The following CYFIP2 variants were observed in gnomAD, a reference collection of about 807,000 sequenced individuals.
CYFIP2 encodes the protein cytoplasmic FMR1-interacting protein 2.
A neutral mutation model predicts 158.7 loss-of-function variants in CYFIP2; 29 were observed. The ratio of observed to expected loss-of-function variants is 0.18; its 90% CI spans 0.14 to 0.25. CYFIP2 has a LOEUF of 0.25. CYFIP2 is among the 10% of genes least tolerant of loss of function. The pLI is 1.00. For synonymous variants in CYFIP2, 585 were observed against 617.6 expected, an observed-to-expected ratio of 0.95 and a Z score of 0.78; for missense variants, 852 against 1,639.5, an observed-to-expected ratio of 0.52 and a Z score of 8.29.
intron 13 of CYFIP2, among the ~76,000 whole-genome samples, chr5:157,318,928 T>G (rs1760364854): frequency 6.6e-6 from 1 of 152,108 alleles, no homozygotes; most frequent in African/African-American, 2.4e-5. Context: ...GAGAATGTGG[T>G]TTTCACCCAA....
At chr5:157,377,179 G>T (rs1765568552) in intron 26 of CYFIP2, among the ~76,000 whole-genome samples, 1 of 151,898 alleles carries the variant, frequency 6.6e-6, no homozygotes, top group South Asian at 2.1e-4. Flanking sequence ...AGGTGAAACT[G>T]CAGCTTGGCC....
chr5:157,326,437 A>G (rs916845309), intron 18 of CYFIP2, among the ~76,000 whole-genome samples, 170 bp downstream of exon 18: 1 of 152,202 alleles, frequency 6.6e-6, no homozygotes, highest in African/African-American at 2.4e-5. Flanking sequence ...CAGAAGTACA[A>G]ACTGAGACAC....
chr5:157,342,799 TAC>T, intron 23 of CYFIP2: 3 of 1,485,770 alleles, frequency 2.0e-6, no homozygotes, highest in Non-Finnish European at 2.7e-6. Context: ...GACACATTTG[TAC>T]AAACGACCTA....
Position 157,373,542 on chromosome 5 carries a change from G to A in CYFIP2, c.3040-9048G>A. Reference sequence around the variant, plus strand: ...GAGAAAGAGCATGCTCTGAGAGCTGGTACTTGAGTGAATATTCATTTATCA... The same window carrying A: ...GAGAAAGAGCATGCTCTGAGAGCTGATACTTGAGTGAATATTCATTTATCA... On this transcript the variant is annotated intron_variant, in intron 26 of 30. Coordinates refer to ENST00000620254, the MANE Select transcript of CYFIP2 (RefSeq NM_001037333.3). Among the ~76,000 whole-genome samples the A allele has an allele frequency of 2.0e-5, 3 of 152,244 alleles. No individual in the cohort carries two copies. The South Asian group carries it at 6.2e-4, about 32-fold the overall frequency.
intron 3 of CYFIP2, among the ~76,000 whole-genome samples, chr5:157,290,518 T>C (rs749850135): frequency 5.9e-5 from 9 of 151,696 alleles, no homozygotes; most frequent in Non-Finnish European, 1.3e-4. Context: ...ACCACCCGCC[T>C]ACCCCCATTG....
At chr5:157,344,809 T>G (rs967809837) in intron 23 of CYFIP2, among the ~76,000 whole-genome samples, 1 of 152,240 alleles carries the variant, frequency 6.6e-6, no homozygotes, top group African/African-American at 2.4e-5. Flanking sequence ...CATTGGATAT[T>G]AAGCCAAACC....
chr5:157,371,265 C>G (rs1017798783), intron 26 of CYFIP2, among the ~76,000 whole-genome samples: 43 of 152,194 alleles, frequency 2.8e-4, no homozygotes, highest in African/African-American at 9.9e-4. Context: ...TAGGGCCCAG[C>G]TCCCCGTCCC....
chr5:157,330,415 A>G (rs867472750), intron 19 of CYFIP2, among the ~76,000 whole-genome samples: 2 of 152,200 alleles, frequency 1.3e-5, no homozygotes, highest in Non-Finnish European at 2.9e-5. Flanking sequence ...CCATGAGGAC[A>G]GGAACTTTGT....
At chr5:157,294,618 A>C (rs1269201581) in intron 3 of CYFIP2, among the ~76,000 whole-genome samples, 165 bp from the exon 4 acceptor site, 1 of 152,168 alleles carries the variant, frequency 6.6e-6, no homozygotes, top group African/African-American at 2.4e-5. Context: ...CTTATTGCAT[A>C]GGCCCAGGGA....
chr5:157,320,514 C>T, intron 14 of CYFIP2, 141 bp from the exon 15 acceptor site: 1 of 1,105,208 alleles, frequency 9.0e-7, no homozygotes, highest in East Asian at 2.6e-5. Flanking sequence ...GGAATTGGGG[C>T]AGAAATGAGC....
At chr5:157,366,601 CCTT>C (rs201255577) in intron 26 of CYFIP2, among the ~76,000 whole-genome samples, 2 of 152,144 alleles carry the variant, frequency 1.3e-5, no homozygotes, top group East Asian at 1.9e-4. Context: ...CTTGAAAAGA[CCTT>C]CTTCCTGCAA....
intron 26 of CYFIP2, chr5:157,363,628 GGCA>G (rs987392514): frequency 6.5e-6 from 1 of 152,732 alleles, no homozygotes; most frequent in African/African-American, 2.4e-5. Context: ...GAGGCAGCCA[GGCA>G]GCAGGTCACT....
Position 157,328,133 on chromosome 5 carries a change from C to T in CYFIP2, c.2156+84C>T, listed in dbSNP as rs1761170511. 4 of 1,323,224 alleles carry T rather than the reference C, an allele frequency of 3.0e-6. No homozygotes were observed. The East Asian group carries it at 7.3e-5, about 24-fold the overall frequency. 82.0% of individuals were successfully genotyped at this position (1,323,224 alleles called of 1,614,324 possible). On this transcript the variant is annotated intron_variant, in intron 19 of 30. Transcript: ENST00000620254. ...GATTTTCTGTTGTGAAACCTCCCTT[C>T]TTCTTTAGCACCTTAGGAAAACAGA...
At position 157,307,843 on chromosome 5, in the gene CYFIP2, G is replaced by A; in HGVS notation, c.878G>A (p.Ser293Asn). ...GATGCCAAGAAGAGAATTAATCTTA[G>A]CAAAATTGATAAATTCTTTAAGGTC... Reference protein sequence around the residue: ...KLDAKKRINLSKIDKFFKQLQ... With the variant: ...KLDAKKRINLNKIDKFFKQLQ... Residue 293 changes from serine (S) to asparagine (N), a missense_variant, in exon 9 of 31, where the codon AGC (serine) becomes AAC (asparagine). Physicochemically the swap from Ser to Asn is conservative, Grantham distance 46. Coordinates refer to ENST00000620254, the MANE Select transcript of CYFIP2 (RefSeq NM_001037333.3). 6.2e-7 allele frequency: 1 copy of A among 1,605,548 alleles called. No homozygotes were observed. The highest frequency in any genetic ancestry group is 1.7e-5 in the Admixed American group (1 of 59,258).
rs186568142 is a variant in CYFIP2 at position 157,315,183 on chromosome 5, G to A, written c.1356+89G>A. ...TAGTTCTGAGCAAGAAAACAGCATCGGTTGCCCTAATTTTCGTGCTCTTCC... is the reference window on the plus strand; with the variant it reads ...TAGTTCTGAGCAAGAAAACAGCATCAGTTGCCCTAATTTTCGTGCTCTTCC... On this transcript the variant is annotated intron_variant, in intron 13 of 30. Coordinates refer to ENST00000620254, the MANE Select transcript of CYFIP2 (RefSeq NM_001037333.3). The A allele has an allele frequency of 1.0e-3, 1,577 of 1,507,422 alleles. 1 individual carries two copies. The highest frequency in any genetic ancestry group is 1.3e-3 in the Non-Finnish European group (1,440 of 1,124,032). The allele number at this position is 1,507,422 out of a possible 1,614,324, so 93.4% of individuals were successfully genotyped here. A position where few individuals can be genotyped will look rare whatever the true frequency, so the allele number is the denominator to read the frequency against.
intron 10 of CYFIP2, 132 bp downstream of exon 10, chr5:157,309,966 C>A: frequency 1.2e-6 from 1 of 867,534 alleles, no homozygotes; most frequent in Non-Finnish European, 1.8e-6. Flanking sequence ...ACACAGGTGC[C>A]GGCCGGAGGG....
rs191495905 is a variant in CYFIP2, at chr5:157,359,845, G to A, written c.2818-437G>A. On this transcript the variant is annotated intron_variant, in intron 24 of 30. Coordinates refer to ENST00000620254, the MANE Select transcript of CYFIP2 (RefSeq NM_001037333.3). ...TGGCAGTAGCTTTGTGGAACCATGGGTTGTTACAGATTGTGGAGCTAAATC... is the reference window on the plus strand; with the variant it reads ...TGGCAGTAGCTTTGTGGAACCATGGATTGTTACAGATTGTGGAGCTAAATC... 1.1e-3 allele frequency among the ~76,000 whole-genome samples: 169 copies of A among 152,342 alleles called. 1 individual carries two copies. The highest frequency in any genetic ancestry group is 2.2e-3 in the Non-Finnish European group (148 of 68,028).
chr5:157,379,705 C>T (rs12659841), intron 26 of CYFIP2, among the ~76,000 whole-genome samples: 28,861 of 142,880 alleles, frequency 0.2, 3,155 homozygotes, highest in African/African-American at 0.28. Flanking sequence ...CCACACCAGA[C>T]GCAGATGGTT....
At chr5:157,376,303 T>G (rs1210024980) in intron 26 of CYFIP2, 1 of 152,304 alleles carries the variant, frequency 6.6e-6, no homozygotes, top group Non-Finnish European at 1.5e-5. Context: ...CTGTTTTATT[T>G]CTCAGTCACG....
Sources: allele counts gnomAD v4.1 joint callset (sites outside exome capture counted in the v4.1 genomes callset), GRCh38; gene constraint gnomAD v4.1.1; transcripts MANE v1.5; gene names NCBI Gene and HGNC (gene_info 2026-07-23, HGNC 2026-07-21).